The following SENP7 variants were observed in gnomAD, a reference collection of about 807,000 sequenced individuals.
SENP7 encodes the protein SUMO specific peptidase 7, also known as sentrin-specific protease 7.
A neutral mutation model predicts 141.2 loss-of-function variants in SENP7; 64 were observed. The ratio of observed to expected loss-of-function variants is 0.45; its 90% CI spans 0.37 to 0.56. SENP7 has a LOEUF of 0.56. Among genes scored for constraint, SENP7 ranks in the 20% least tolerant of loss-of-function variants. SENP7 has a pLI of 0.00. For missense variants in SENP7, 1,025 were observed against 1,212.2 expected (o/e 0.85, Z 2.29); for synonymous variants, 382 against 426.4 (o/e 0.90, Z 1.28).
chr3:101,335,579 T>C (rs527328988), intron 17 of SENP7, among the ~76,000 whole-genome samples: 109 of 151,660 alleles, frequency 7.2e-4, no homozygotes, highest in African/African-American at 2.3e-3. Flanking sequence ...AACTTTATTT[T>C]TATTATGTAT....
intron 4 of SENP7, among the ~76,000 whole-genome samples, chr3:101,434,322 C>G (rs2062301944): frequency 6.8e-6 from 1 of 147,812 alleles, no homozygotes; most frequent in African/African-American, 2.5e-5. Context: ...ATGCATACAT[C>G]AAAAAAAAGA....
At position 101,343,836 on chromosome 3, in the gene SENP7, A is replaced by G; in HGVS notation, c.1956T>C (p.Ser652=). 6.2e-7 allele frequency: 1 copy of G among 1,613,974 alleles called. No homozygotes were observed. Among genetic ancestry groups the G allele is most frequent in the African/African-American group, 1.3e-5 (1 of 75,056 alleles). The change falls in exon 14 of 24, where the codon TCT becomes TCC. Residue 652 remains serine, a synonymous_variant. Coordinates refer to ENST00000394095, the MANE Select transcript of SENP7 (RefSeq NM_020654.5). ...ATGCCTGAACCCAAGACAACGGGTA[A>G]GAAAGCTCTAATTCTCCACTGATTA... is the stretch of plus-strand genomic sequence containing the variant. ...ISIISGELEL[S]YPLSWVQAFP... is the part of the protein sequence containing the mutation.
In SENP7 at chr3:101,337,683, C is replaced by A; in HGVS notation, c.2358-52G>T. 3 of 1,412,768 alleles carry A rather than the reference C, an allele frequency of 2.1e-6. No individual in the cohort carries two copies. The South Asian group carries it at 4.6e-5, about 22-fold the overall frequency. 87.5% of individuals were successfully genotyped at this position (1,412,768 alleles called of 1,614,324 possible). ...AAATTATTTTTAGATTTTACTTGGT[C>A]GTCCCCCAGTTGTCTTATGTGTTCT... On this transcript the variant is annotated intron_variant, in intron 16 of 23. Coordinates refer to ENST00000394095, the MANE Select transcript of SENP7 (RefSeq NM_020654.5).
intron 4 of SENP7, among the ~76,000 whole-genome samples, chr3:101,433,739 C>T (rs1255555390): frequency 2.6e-5 from 4 of 152,118 alleles, no homozygotes; most frequent in Non-Finnish European, 5.9e-5. Context: ...AATATATAGT[C>T]ACCCAACCCT....
At chr3:101,453,160 A>T (rs1054290694) in intron 4 of SENP7, among the ~76,000 whole-genome samples, 7 of 152,226 alleles carry the variant, frequency 4.6e-5, no homozygotes, top group African/African-American at 9.6e-5. Context: ...TCAAAACCAC[A>T]ATGAGATACC....
chr3:101,464,476 T>C (rs193001921), intron 3 of SENP7, among the ~76,000 whole-genome samples: 2 of 152,196 alleles, frequency 1.3e-5, no homozygotes, highest in East Asian at 3.9e-4. Flanking sequence ...AGTGGCAGCA[T>C]TAGATTCTCA....
intron 6 of SENP7, among the ~76,000 whole-genome samples, chr3:101,390,980 T>C (rs1419167211): frequency 6.6e-6 from 1 of 152,098 alleles, no homozygotes; most frequent in African/African-American, 2.4e-5. Flanking sequence ...TTAAACAACA[T>C]GCTCCTGAAG....
At position 101,328,749 on chromosome 3, in the gene SENP7, A is replaced by G; in HGVS notation, c.2752-60T>C. 4.7e-6 allele frequency: 6 copies of G among 1,282,162 alleles called. 1 individual carries two copies. The South Asian group carries it at 6.3e-5, about 13-fold the overall frequency. 79.4% of individuals were successfully genotyped at this position (1,282,162 alleles called of 1,614,324 possible). The stretch of plus-strand genomic sequence containing the variant: ...AGCTATTTTGAATAATTTACTATTC[A>G]GTTACTCCTTTAAAGTGTTTCAAAC... On this transcript the variant is annotated intron_variant, in intron 20 of 23. Transcript: ENST00000394095.
chr3:101,359,391 T>A (rs2059831314), intron 11 of SENP7: 1 of 149,354 alleles, frequency 6.7e-6, no homozygotes, highest in Non-Finnish European at 1.5e-5. Context: ...ATAATATATA[T>A]AAATATATAT....
chr3:101,457,930 C>T, intron 4 of SENP7, among the ~76,000 whole-genome samples: 1 of 152,168 alleles, frequency 6.6e-6, no homozygotes, highest in East Asian at 1.9e-4. Context: ...CAAACCTTTC[C>T]GAAAATGTGG....
chr3:101,443,491 G>T (rs1486720171), intron 4 of SENP7, among the ~76,000 whole-genome samples: 1 of 151,504 alleles, frequency 6.6e-6, no homozygotes, highest in Non-Finnish European at 1.5e-5. Context: ...GTGAAGAAAG[G>T]CATTGGTAGC....
chr3:101,337,701 T>C (rs1251054306), intron 16 of SENP7, 70 bp from the exon 17 acceptor site: 6 of 1,265,772 alleles, frequency 4.7e-6, no homozygotes, highest in Non-Finnish European at 6.4e-6. Flanking sequence ...AGTTGTCTTA[T>C]GTGTTCTGGA....
chr3:101,485,412 C>T (rs2064687664), intron 3 of SENP7, among the ~76,000 whole-genome samples: 1 of 152,132 alleles, frequency 6.6e-6, no homozygotes, highest in Admixed American at 6.6e-5. Flanking sequence ...CTGAGAGATC[C>T]ATCGATGACT....
At chr3:101,408,060 A>G (rs1291923512) in intron 5 of SENP7, among the ~76,000 whole-genome samples, 2 of 152,166 alleles carry the variant, frequency 1.3e-5, no homozygotes, top group African/African-American at 4.8e-5. Context: ...AAGAGGAGAG[A>G]AAATCCAAAT....
At chr3:101,390,219 CAAA>C (rs563281627) in intron 6 of SENP7, among the ~76,000 whole-genome samples, 18,271 of 73,374 alleles carry the variant, frequency 0.25, 854 homozygotes, top group Non-Finnish European at 0.26. Flanking sequence ...GACTCTGTCT[CAAA>C]AAAAAAAAAA....
intron 5 of SENP7, among the ~76,000 whole-genome samples, chr3:101,411,625 A>C (rs1470672022): frequency 2.0e-5 from 3 of 152,234 alleles, no homozygotes; most frequent in Admixed American, 2.0e-4. Flanking sequence ...AGCACAGTCA[A>C]GGACATTCCA....
At chr3:101,430,223 C>T (rs1027424121) in intron 4 of SENP7, among the ~76,000 whole-genome samples, 1 of 152,040 alleles carries the variant, frequency 6.6e-6, no homozygotes, top group African/African-American at 2.4e-5. Context: ...GGGAGATTTT[C>T]CTCTTTTTCT....
chr3:101,470,819 A>C (rs377235733), intron 3 of SENP7, among the ~76,000 whole-genome samples: 9 of 152,278 alleles, frequency 5.9e-5, no homozygotes, highest in East Asian at 1.9e-4. Context: ...GATACAAAAT[A>C]AATGTGCAAA....
At chr3:101,374,199 T>C (rs1003627602) in intron 6 of SENP7, among the ~76,000 whole-genome samples, 8 of 152,204 alleles carry the variant, frequency 5.3e-5, no homozygotes, top group African/African-American at 1.2e-4. Context: ...AACCATTCAA[T>C]AGGGAAGGGA....
Sources: gnomAD v4.1 joint callset for allele counts (sites outside exome capture counted in the v4.1 genomes callset) on GRCh38, gnomAD v4.1.1 for gene constraint, MANE v1.5 for transcripts, NCBI Gene and HGNC (gene_info 2026-07-23, HGNC 2026-07-21) for gene names.